CAMKMT: variants seen among roughly 807,000 people sequenced by gnomAD.
CAMKMT encodes CaM KMT.
Under a neutral mutation model 48.0 loss-of-function variants are expected in CAMKMT, and 53 were observed. The ratio of observed to expected loss-of-function variants is 1.10; its 90% CI spans 0.89 to 1.39. CAMKMT has a LOEUF of 1.39. Among genes scored for constraint, CAMKMT ranks in the 40% most tolerant of loss-of-function variants. CAMKMT has a pLI of 0.00. For missense variants in CAMKMT, 428 were observed against 402.7 expected, an observed-to-expected ratio of 1.06 and a Z score of -0.54; for synonymous variants, 165 against 152.3, an observed-to-expected ratio of 1.08 and a Z score of -0.61.
intron 3 of CAMKMT, among the ~76,000 whole-genome samples, chr2:44,610,776 C>T (rs1671552598): frequency 6.6e-6 from 1 of 152,084 alleles, no homozygotes; most frequent in Non-Finnish European, 1.5e-5. Flanking sequence ...CTGAAAAATA[C>T]TTATATTTAC....
rs1050003116 is a variant in CAMKMT, at chr2:44,478,338, T to C, written c.376+88033T>C. 3.9e-5 allele frequency among the ~76,000 whole-genome samples: 6 copies of C among 152,224 alleles called. No homozygotes were observed. The East Asian group carries it at 7.7e-4, about 20-fold the overall frequency. On this transcript the variant is annotated intron_variant, in intron 3 of 10. Coordinates refer to ENST00000378494, the MANE Select transcript of CAMKMT (RefSeq NM_024766.5). ...CCACCATTTGCTGTGATTACAGATA[T>C]AGGTTTAGAGTTTAGCCTTTGCAAT...
intron 5 of CAMKMT, 71 bp downstream of exon 5, chr2:44,706,412 CT>C: frequency 6.8e-7 from 1 of 1,480,612 alleles, no homozygotes; most frequent in South Asian, 1.1e-5. Flanking sequence ...GGGCCTCCAA[CT>C]GCTGGGTCAG....
intron 3 of CAMKMT, among the ~76,000 whole-genome samples, chr2:44,698,323 T>C (rs1573104323): frequency 6.6e-6 from 1 of 152,220 alleles, no homozygotes; most frequent in East Asian, 1.9e-4. Context: ...CTATTCTGGA[T>C]ATTTCATATA....
intron 3 of CAMKMT, among the ~76,000 whole-genome samples, chr2:44,560,308 G>T (rs1170675454): frequency 6.6e-6 from 1 of 152,130 alleles, no homozygotes; most frequent in Non-Finnish European, 1.5e-5. Context: ...TAGAGATAAG[G>T]TCTCACTCTG....
chr2:44,606,246 A>G (rs115091252), intron 3 of CAMKMT, among the ~76,000 whole-genome samples: 3,574 of 152,288 alleles, frequency 0.023, 156 homozygotes, highest in African/African-American at 0.082. Flanking sequence ...TGAAATACCT[A>G]TTTTGTTTGG....
At chr2:44,385,663 G>T (rs957861123) in intron 2 of CAMKMT, among the ~76,000 whole-genome samples, 1 of 152,068 alleles carries the variant, frequency 6.6e-6, no homozygotes, top group Admixed American at 6.5e-5. Flanking sequence ...TGCCAGTTTT[G>T]CTGAGAGTTT....
chr2:44,748,256 A>G (rs1054659477), intron 8 of CAMKMT, among the ~76,000 whole-genome samples: 24 of 152,212 alleles, frequency 1.6e-4, no homozygotes, highest in African/African-American at 5.5e-4. Flanking sequence ...AGTAGACAGC[A>G]TTACCTTTCA....
At chr2:44,695,765 G>A (rs1211449336) in intron 3 of CAMKMT, among the ~76,000 whole-genome samples, 2 of 152,148 alleles carry the variant, frequency 1.3e-5, no homozygotes, top group African/African-American at 4.8e-5. Context: ...AAAGCCAGCA[G>A]TTGGCAAAGC....
At chr2:44,552,115 T>C (rs1237576701) in intron 3 of CAMKMT, among the ~76,000 whole-genome samples, 1 of 152,102 alleles carries the variant, frequency 6.6e-6, no homozygotes, top group Non-Finnish European at 1.5e-5. Context: ...TTTTACCCAT[T>C]AGGTGATTTC....
chr2:44,633,057 G>A (rs139087228), intron 3 of CAMKMT, among the ~76,000 whole-genome samples: 35 of 152,050 alleles, frequency 2.3e-4, no homozygotes, highest in Non-Finnish European at 4.4e-4. Context: ...TATTAACTGC[G>A]TAAAGAATTT....
intron 3 of CAMKMT, among the ~76,000 whole-genome samples, chr2:44,696,014 C>T (rs1036604197): frequency 6.6e-6 from 1 of 152,078 alleles, no homozygotes; most frequent in African/African-American, 2.4e-5. Context: ...GTGATCTCGG[C>T]TCACTGCAAC....
At chr2:44,664,498 A>C (rs1390950784) in intron 3 of CAMKMT, among the ~76,000 whole-genome samples, 1 of 152,254 alleles carries the variant, frequency 6.6e-6, no homozygotes, top group African/African-American at 2.4e-5. Flanking sequence ...CATGTTCGGT[A>C]ATCAGTGTCC....
chr2:44,682,398 A>T (rs1676073564), intron 3 of CAMKMT, among the ~76,000 whole-genome samples: 1 of 152,026 alleles, frequency 6.6e-6, no homozygotes, highest in African/African-American at 2.4e-5. Context: ...TTGAAGAGAG[A>T]TTTTAGATGA....
At chr2:44,411,393 G>C (rs35473976) in intron 3 of CAMKMT, among the ~76,000 whole-genome samples, 3 of 152,180 alleles carry the variant, frequency 2.0e-5, no homozygotes, top group Non-Finnish European at 2.9e-5. Context: ...TGAAGATTTA[G>C]ACTCCAAGGA....
chr2:44,464,467 G>A (rs1668008238), intron 3 of CAMKMT, among the ~76,000 whole-genome samples: 1 of 152,096 alleles, frequency 6.6e-6, no homozygotes, highest in African/African-American at 2.4e-5. Context: ...GGAAGAAAAT[G>A]GACATTCAAA....
intron 6 of CAMKMT, among the ~76,000 whole-genome samples, chr2:44,711,488 CTCCT>C (rs1353597300): frequency 6.6e-6 from 1 of 151,940 alleles, no homozygotes; most frequent in Non-Finnish European, 1.5e-5. Flanking sequence ...TTTTTTTCTT[CTCCT>C]TTTTGTGGAG....
intron 3 of CAMKMT, among the ~76,000 whole-genome samples, chr2:44,459,169 A>G (rs1025006251): frequency 6.6e-6 from 1 of 152,170 alleles, no homozygotes. Flanking sequence ...TGTAAGCACT[A>G]TGTAAATTCA....
At chr2:44,571,772 G>C (rs1239412506) in intron 3 of CAMKMT, among the ~76,000 whole-genome samples, 1 of 152,014 alleles carries the variant, frequency 6.6e-6, no homozygotes, top group Non-Finnish European at 1.5e-5. Flanking sequence ...TAGGGAGTTC[G>C]AGACCAGCCT....
intron 3 of CAMKMT, among the ~76,000 whole-genome samples, chr2:44,421,841 C>T (rs1011182651): frequency 1.8e-4 from 28 of 152,010 alleles, no homozygotes; most frequent in African/African-American, 5.8e-4. Context: ...CATTCTGTGT[C>T]GAGTTTTTGG....
Sources: allele counts gnomAD v4.1 joint callset (sites outside exome capture counted in the v4.1 genomes callset), GRCh38; gene constraint gnomAD v4.1.1; transcripts MANE v1.5; gene names NCBI Gene and HGNC (gene_info 2026-07-23, HGNC 2026-07-21).